Variants in SEMA5A observed in about 807,000 individuals in gnomAD.
SEMA5A encodes semaphorin-5A.
A neutral mutation model predicts 135.5 loss-of-function variants in SEMA5A; 55 were observed. That is an observed-to-expected ratio of 0.41 (90% CI 0.33 to 0.51). The LOEUF is 0.51. Ranked by LOEUF, SEMA5A falls within the 20% of genes least tolerant of loss-of-function variation. The pLI is 0.37. For missense variants in SEMA5A, 1,290 were observed against 1,419.9 expected, an observed-to-expected ratio of 0.91 and a Z score of 1.47; for synonymous variants, 580 against 546.5, an observed-to-expected ratio of 1.06 and a Z score of -0.85.
At chr5:9,349,573 T>C (rs1262410575) in intron 3 of SEMA5A, among the ~76,000 whole-genome samples, 2 of 152,202 alleles carry the variant, frequency 1.3e-5, no homozygotes, top group East Asian at 3.9e-4. Flanking sequence ...GCTGCACATG[T>C]AATTTTGTAT....
At chr5:9,215,854 C>T (rs1311340666) in intron 8 of SEMA5A, among the ~76,000 whole-genome samples, 3 of 151,768 alleles carry the variant, frequency 2.0e-5, no homozygotes, top group South Asian at 2.1e-4. Flanking sequence ...CCAGGATTCA[C>T]TAATCTTTTG....
At chr5:9,364,498 G>C (rs1397648525) in intron 3 of SEMA5A, among the ~76,000 whole-genome samples, 1 of 152,124 alleles carries the variant, frequency 6.6e-6, no homozygotes, top group Admixed American at 6.5e-5. Flanking sequence ...TTCCCAATGA[G>C]AGATGGCTTG....
chr5:9,474,034 C>T (rs556303506), intron 1 of SEMA5A, among the ~76,000 whole-genome samples: 40 of 152,114 alleles, frequency 2.6e-4, no homozygotes, highest in African/African-American at 7.5e-4. Context: ...ACATCATGGA[C>T]GTCTACCCAC....
At chr5:9,459,566 T>A (rs1203070224) in intron 1 of SEMA5A, among the ~76,000 whole-genome samples, 2 of 152,194 alleles carry the variant, frequency 1.3e-5, no homozygotes, top group African/African-American at 4.8e-5. Flanking sequence ...CTTCCCCAGC[T>A]GAGCATTCAG....
intron 11 of SEMA5A, among the ~76,000 whole-genome samples, chr5:9,162,564 GTATATATATA>G (rs779776274): frequency 3.6e-4 from 30 of 84,016 alleles, no homozygotes; most frequent in Admixed American, 3.0e-3. Context: ...GTGTGTGTGT[GTATATATATA>G]TATATATATA....
At chr5:9,267,331 C>T (rs1487628584) in intron 5 of SEMA5A, among the ~76,000 whole-genome samples, 5 of 152,102 alleles carry the variant, frequency 3.3e-5, no homozygotes, top group South Asian at 2.1e-4. Context: ...AGCTGTTGCC[C>T]GATCCACTTG....
chr5:9,337,757 C>G lies in SEMA5A; in HGVS notation c.180G>C (p.Gln60His). The change falls in exon 4 of 23, where the codon CAG becomes CAC. Residue 60 changes from glutamine (Q) to histidine (H), a missense_variant. By Grantham distance (24) the Gln-to-His change is conservative (BLOSUM62 0). Transcript: ENST00000382496. Reference protein sequence around the residue: ...FRAKNAVDFSQLTFDPGQKEL... With the variant: ...FRAKNAVDFSHLTFDPGQKEL... ...CTTTCTGTCCTGGGTCAAATGTTAA[C>G]TGCGAGAAATCCACAGCATTCTTCG... 1 of 1,612,020 alleles carries G rather than the reference C, an allele frequency of 6.2e-7. No homozygotes were observed. Among genetic ancestry groups the G allele is most frequent in the South Asian group, 1.1e-5 (1 of 90,814 alleles).
intron 3 of SEMA5A, among the ~76,000 whole-genome samples, chr5:9,378,514 C>T (rs1315987611): frequency 6.6e-6 from 1 of 152,158 alleles, no homozygotes; most frequent in Non-Finnish European, 1.5e-5. Context: ...AAACCTGGAT[C>T]TCAGCAGGTG....
At chr5:9,120,023 T>C (rs563716340) in intron 14 of SEMA5A, among the ~76,000 whole-genome samples, 1 of 152,214 alleles carries the variant, frequency 6.6e-6, no homozygotes, top group African/African-American at 2.4e-5. Flanking sequence ...TTCAGACTGG[T>C]TATAATTTAA....
At chr5:9,164,926 T>C (rs3822770) in intron 11 of SEMA5A, among the ~76,000 whole-genome samples, 17,938 of 152,144 alleles carry the variant, frequency 0.12, 1,807 homozygotes, top group African/African-American at 0.26. Flanking sequence ...GGAAACACAG[T>C]GAATCCAATA....
chr5:9,218,064 G>A (rs1746730312), intron 8 of SEMA5A, among the ~76,000 whole-genome samples: 2 of 152,126 alleles, frequency 1.3e-5, no homozygotes, highest in Admixed American at 1.3e-4. Context: ...AGGCGGGGAG[G>A]AGGGAGAAGA....
chr5:9,415,025 G>T (rs1318006884), intron 2 of SEMA5A, among the ~76,000 whole-genome samples: 1 of 152,030 alleles, frequency 6.6e-6, no homozygotes, highest in Non-Finnish European at 1.5e-5. Context: ...GTGATTCATT[G>T]CCTCCCAAAG....
chr5:9,460,140 A>G (rs985551891), intron 1 of SEMA5A, among the ~76,000 whole-genome samples: 4 of 152,192 alleles, frequency 2.6e-5, no homozygotes, highest in Admixed American at 1.3e-4. Context: ...CTCATATAAA[A>G]CACCTCTGAG....
chr5:9,330,307 G>A (rs6864003), intron 4 of SEMA5A, among the ~76,000 whole-genome samples: 16,809 of 151,420 alleles, frequency 0.11, 1,045 homozygotes, highest in South Asian at 0.19. Flanking sequence ...GAAGAATGGC[G>A]TGAACCCGGG....
At chr5:9,486,977 A>G (rs1734762302) in intron 1 of SEMA5A, among the ~76,000 whole-genome samples, 1 of 151,688 alleles carries the variant, frequency 6.6e-6, no homozygotes, top group Admixed American at 6.6e-5. Context: ...AGATTTCTAG[A>G]TATGCAAAAA....
intron 5 of SEMA5A, among the ~76,000 whole-genome samples, chr5:9,317,578 TAAAG>T (rs951365225): frequency 1.3e-5 from 2 of 152,158 alleles, no homozygotes; most frequent in African/African-American, 4.8e-5. Flanking sequence ...GCAGCAGCAT[TAAAG>T]AGAGAATAAA....
chr5:9,277,428 C>G (rs2150555711), intron 5 of SEMA5A, among the ~76,000 whole-genome samples: 1 of 152,242 alleles, frequency 6.6e-6, no homozygotes, highest in East Asian at 1.9e-4. Context: ...GGATCTAGAA[C>G]TAGAAATACC....
chr5:9,294,548 C>T (rs1057159417), intron 5 of SEMA5A, among the ~76,000 whole-genome samples: 4 of 152,224 alleles, frequency 2.6e-5, no homozygotes, highest in African/African-American at 9.6e-5. Flanking sequence ...TGGAATGTCT[C>T]AATACCTAGT....
intron 2 of SEMA5A, among the ~76,000 whole-genome samples, chr5:9,395,349 A>G (rs17322495): frequency 0.028 from 4,201 of 152,318 alleles, 73 homozygotes; most frequent in Middle Eastern, 0.088. Context: ...ACTGAACGTG[A>G]AATCTTTGTT....
Sources: gnomAD v4.1 joint callset for allele counts (sites outside exome capture counted in the v4.1 genomes callset) on GRCh38, gnomAD v4.1.1 for gene constraint, MANE v1.5 for transcripts, NCBI Gene and HGNC (gene_info 2026-07-23, HGNC 2026-07-21) for gene names.